UNC13B: variants seen among roughly 807,000 people sequenced by gnomAD.
UNC13B encodes protein unc-13 homolog B.
A neutral mutation model predicts 211.0 loss-of-function variants in UNC13B; 144 were observed. That is an observed-to-expected ratio of 0.68 (90% CI 0.60 to 0.78). The LOEUF (loss-of-function observed/expected upper bound fraction) is 0.78, where lower values mean the gene tolerates loss of function less well. UNC13B is among the 30% of genes least tolerant of loss of function. The pLI, the probability that UNC13B is intolerant of heterozygous loss-of-function variation, is 0.00. For synonymous variants in UNC13B, 709 were observed against 725.8 expected (o/e 0.98, Z 0.37); for missense variants, 1,777 against 2,002.0 (o/e 0.89, Z 2.14).
chr9:35,215,528 A>C (rs1429590109), intron 1 of UNC13B, among the ~76,000 whole-genome samples: 1 of 152,254 alleles, frequency 6.6e-6, no homozygotes, highest in East Asian at 1.9e-4. Context: ...GTAAAGCAGA[A>C]AGTAGAGATT....
intron 1 of UNC13B, among the ~76,000 whole-genome samples, chr9:35,185,493 A>G (rs1346567389): frequency 6.6e-6 from 1 of 152,186 alleles, no homozygotes; most frequent in Non-Finnish European, 1.5e-5. Context: ...ACCTCATTGC[A>G]TCCAAAGAGA....
intron 6 of UNC13B, among the ~76,000 whole-genome samples, chr9:35,252,920 ACT>A (rs1826596455): frequency 6.6e-6 from 1 of 150,446 alleles, no homozygotes. Context: ...ACAGAGCGAG[ACT>A]CTGTCTCAAA....
At chr9:35,162,333 CG>C (rs1247450947) in intron 1 of UNC13B, 28 bp downstream of exon 1, 1 of 1,529,856 alleles carries the variant, frequency 6.5e-7, no homozygotes, top group South Asian at 1.2e-5. Flanking sequence ...GGCGGGGAGG[CG>C]GGGTGTCGGC....
Position 35,304,554 on chromosome 9 carries a change from A to G in UNC13B, c.5150A>G (p.His1717Arg). 1 of 398,702 alleles carries G rather than the reference A, an allele frequency of 2.5e-6. No individual in the cohort carries two copies. The highest frequency in any genetic ancestry group is 2.1e-5 in the African/African-American group (1 of 48,706). The allele number at this position is 398,702 out of a possible 1,614,324, so 24.7% of individuals were successfully genotyped here. A position where few individuals can be genotyped will look rare whatever the true frequency, so the allele number is the denominator to read the frequency against. Reference sequence around the variant, plus strand: ...TCATCAGTTCACCTTTCCAGTTTCCATTGGCTTCAGTCTTCTGTTGAAGAA... The same window carrying G: ...TCATCAGTTCACCTTTCCAGTTTCCGTTGGCTTCAGTCTTCTGTTGAAGAA... The part of the protein sequence containing the change: ...EDSSVHLSSF[H>R]WLQSSVEEVT... The change falls in exon 9 of 40, where the codon CAT becomes CGT. Residue 1717 changes from histidine (H) to arginine (R), a missense_variant. Transcript: ENST00000635942.
chr9:35,274,790 G>A (rs1378609975), intron 7 of UNC13B, among the ~76,000 whole-genome samples: 1 of 152,138 alleles, frequency 6.6e-6, no homozygotes, highest in Non-Finnish European at 1.5e-5. Flanking sequence ...GGCCCTGTGA[G>A]TGGGCTATTT....
Position 35,304,845 on chromosome 9 carries a change from A to C in UNC13B, c.5441A>C (p.Lys1814Thr), listed in dbSNP as rs1829852023. The C allele has an allele frequency of 5.0e-6, 2 of 398,980 alleles. No individual in the cohort carries two copies. Among genetic ancestry groups the C allele is most frequent in the Non-Finnish European group, 8.8e-6 (2 of 225,998 alleles). The allele number at this position is 398,980 out of a possible 1,614,324, so 24.7% of individuals were successfully genotyped here. Reference protein sequence around the residue: ...QLEGNSPNVEKSLLKDSERQI... With the variant: ...QLEGNSPNVETSLLKDSERQI... Reference sequence around the variant, plus strand: ...GAGGGTAACTCCCCAAATGTGGAAAAAAGTCTTCTTAAGGATTCAGAAAGA... The same window carrying C: ...GAGGGTAACTCCCCAAATGTGGAAACAAGTCTTCTTAAGGATTCAGAAAGA... The change falls in exon 9 of 40, where the codon AAA (lysine) becomes ACA (threonine). Residue 1814 changes from lysine (K) to threonine (T), a missense_variant. Coordinates refer to ENST00000635942, the MANE Select transcript of UNC13B (RefSeq NM_001371189.2).
chr9:35,162,411 C>T (rs1469351633), intron 1 of UNC13B, 106 bp downstream of exon 1: 14 of 1,365,232 alleles, frequency 1.0e-5, no homozygotes, highest in Non-Finnish European at 1.2e-5. Context: ...ACATCCCGTC[C>T]GTGCTTTGGG....
intron 1 of UNC13B, among the ~76,000 whole-genome samples, chr9:35,187,414 G>T (rs1222913668): frequency 2.6e-5 from 4 of 152,158 alleles, no homozygotes; most frequent in Non-Finnish European, 4.4e-5. Flanking sequence ...AGCGGGATTA[G>T]TCTAAAATGT....
rs751907209 is a variant in UNC13B at position 35,399,054 on chromosome 9, C to T, written c.12074+20C>T. ...TGGCAAGTGAGTACAGCATTCAGGA[C>T]TATCCTGTGGGGATGAGCAAAGCAG... On this transcript the variant is annotated intron_variant, in intron 33 of 39. Coordinates refer to ENST00000635942, the MANE Select transcript of UNC13B (RefSeq NM_001371189.2). 1 of 1,613,476 alleles carries T rather than the reference C, an allele frequency of 6.2e-7. No individual in the cohort carries two copies. The highest frequency in any genetic ancestry group is 2.2e-5 in the East Asian group (1 of 44,886).
chr9:35,206,535 G>C (rs1823656421), intron 1 of UNC13B, among the ~76,000 whole-genome samples: 1 of 152,056 alleles, frequency 6.6e-6, no homozygotes. Flanking sequence ...CATCCATATG[G>C]TGGTTTGTAT....
At chr9:35,287,138 C>CT (rs35553171) in intron 7 of UNC13B, among the ~76,000 whole-genome samples, 26,636 of 142,558 alleles carry the variant, frequency 0.19, 3,272 homozygotes, top group Non-Finnish European at 0.28. Context: ...TTCTTTCTTT[C>CT]TTTTTTTTTT....
intron 20 of UNC13B, 132 bp from the exon 21 acceptor site, chr9:35,382,225 T>C (rs1834894075): frequency 8.3e-7 from 1 of 1,207,710 alleles, no homozygotes; most frequent in Non-Finnish European, 1.2e-6. Flanking sequence ...GTGCAGAAAG[T>C]AGCCCTAGGC....
At chr9:35,385,376 A>T (rs574460623) in intron 22 of UNC13B, 2 of 985,290 alleles carry the variant, frequency 2.0e-6, no homozygotes, top group Non-Finnish European at 2.4e-6. Flanking sequence ...CGAAGAACTC[A>T]CTGTTGGTGT....
chr9:35,252,318 T>TGA (rs57148427), intron 6 of UNC13B, among the ~76,000 whole-genome samples: 1 of 148,236 alleles, frequency 6.7e-6, no homozygotes, highest in African/African-American at 2.5e-5. Flanking sequence ...TGAAAAATGA[T>TGA]TTTCTTTCTT....
At chr9:35,219,762 A>T (rs1222071026) in intron 1 of UNC13B, among the ~76,000 whole-genome samples, 4 of 152,116 alleles carry the variant, frequency 2.6e-5, no homozygotes, top group Non-Finnish European at 5.9e-5. Context: ...AGTCAAGATT[A>T]AAAAAATGGT....
chr9:35,277,427 A>T (rs1356178852), intron 7 of UNC13B, among the ~76,000 whole-genome samples: 2 of 152,204 alleles, frequency 1.3e-5, no homozygotes, highest in Non-Finnish European at 2.9e-5. Flanking sequence ...TAGAATGCTC[A>T]GGGGTATCCC....
intron 2 of UNC13B, among the ~76,000 whole-genome samples, chr9:35,230,649 C>A (rs1475480520): frequency 6.6e-6 from 1 of 151,842 alleles, no homozygotes; most frequent in Non-Finnish European, 1.5e-5. Flanking sequence ...TGGTATGTAT[C>A]TCTTTCTACA....
At chr9:35,400,570 A>T in intron 37 of UNC13B, 127 bp downstream of exon 37, 1 of 1,167,820 alleles carries the variant, frequency 8.6e-7, no homozygotes, top group Non-Finnish European at 1.2e-6. Context: ...TCAAATTCAG[A>T]TCTCTATTGC....
chr9:35,348,983 T>C (rs1187202038), intron 11 of UNC13B, among the ~76,000 whole-genome samples: 2 of 152,106 alleles, frequency 1.3e-5, no homozygotes, highest in Admixed American at 6.5e-5. Flanking sequence ...AGTGGTGCGA[T>C]CTTGGCTCAC....
Sources: gnomAD v4.1 joint callset for allele counts (sites outside exome capture counted in the v4.1 genomes callset) on GRCh38, gnomAD v4.1.1 for gene constraint, MANE v1.5 for transcripts, NCBI Gene and HGNC (gene_info 2026-07-23, HGNC 2026-07-21) for gene names.